COL6A2: variants seen among roughly 807,000 people sequenced by gnomAD.
The protein encoded by COL6A2 is collagen alpha-2(VI) chain.
Under a neutral mutation model 124.9 loss-of-function variants are expected in COL6A2, and 90 were observed. That is an observed-to-expected ratio of 0.72 (90% CI 0.61 to 0.86). The LOEUF (loss-of-function observed/expected upper bound fraction) is 0.86. Among genes scored for constraint, COL6A2 ranks in the 40% least tolerant of loss-of-function variants. The pLI is 0.00. For missense variants in COL6A2, 1,607 were observed against 1,502.5 expected (o/e 1.07, Z -1.15); for synonymous variants, 793 against 618.2 (o/e 1.28, Z -4.19).
chr21:46,113,070 C>T (rs1023054775), intron 4 of COL6A2: 13 of 599,040 alleles, frequency 2.2e-5, no homozygotes, highest in African/African-American at 5.6e-5. Context: ...AAGGAGAGGT[C>T]GAGGGTCTGG....
At chr21:46,131,912 C>T (rs755249667) in intron 27 of COL6A2, 42 bp from the exon 28 acceptor site, 179 of 1,536,220 alleles carry the variant, frequency 1.2e-4, no homozygotes, top group Middle Eastern at 1.0e-3. Context: ...CCGGTCCTGC[C>T]CACCTCCCCT....
At chr21:46,123,756 ATGAGTGGGGGGATGGATGGG>A (rs935511019) in intron 21 of COL6A2, among the ~76,000 whole-genome samples, 6 of 127,610 alleles carry the variant, frequency 4.7e-5, no homozygotes, top group African/African-American at 1.4e-4. Flanking sequence ...GGCTGAATGG[ATGAGTGGGGGGATGGATGGG>A]TGAGTGGGTG....
intron 23 of COL6A2, 41 bp from the exon 24 acceptor site, chr21:46,125,225 G>C: frequency 3.7e-6 from 6 of 1,600,648 alleles, no homozygotes; most frequent in Non-Finnish European, 4.3e-6. Flanking sequence ...AACTCTTCTG[G>C]GGCCCCGGGG....
intron 15 of COL6A2, 33 bp downstream of exon 15, chr21:46,119,883 C>G (rs771652693): frequency 1.3e-6 from 2 of 1,543,092 alleles, no homozygotes; most frequent in African/African-American, 2.7e-5. Context: ...CCCAGGGTCT[C>G]ACTGTGGTGC....
intron 1 of COL6A2, among the ~76,000 whole-genome samples, chr21:46,108,601 G>C (rs2078361020): frequency 6.6e-6 from 1 of 152,066 alleles, no homozygotes. Context: ...TTGTTTCTTA[G>C]TTAGAAATTG....
rs1470919525 is a variant in COL6A2, at chr21:46,117,762, AG to A, written c.1054-111del. 3 of 1,120,164 alleles carry A rather than the reference AG, an allele frequency of 2.7e-6. No homozygotes were observed. The African/African-American group carries it at 4.6e-5, about 17-fold the overall frequency. The allele number at this position is 1,120,164 out of a possible 1,614,324, so 69.4% of individuals were successfully genotyped here. The stretch of plus-strand genomic sequence containing the variant: ...CTTGGTCACTGAGCCTGGGCCTCAC[AG>A]TGAGGGTGGGAGGTGCGTCCCGGGC... On this transcript the variant is annotated intron_variant, in intron 11 of 27. Coordinates refer to ENST00000300527, the MANE Select transcript of COL6A2 (RefSeq NM_001849.4).
chr21:46,122,229 A>G, intron 19 of COL6A2, 71 bp downstream of exon 19: 1 of 1,542,646 alleles, frequency 6.5e-7, no homozygotes, highest in Non-Finnish European at 8.9e-7. Flanking sequence ...GAAGATTCCT[A>G]GTAGTTCCCT....
Position 46,112,144 on chromosome 21 carries a change from G to A in COL6A2, c.281G>A (p.Trp94Ter). Residue 94 changes from tryptophan (W) to a stop codon, truncating the protein, a stop_gained, in exon 3 of 28, where the codon TGG becomes TAG. Transcript: ENST00000300527. LOFTEE classifies it high-confidence loss of function. ...TACCTGGACCAGGTGGCGCTGAGCT[G>A]GCGCTACGGCGGCCTGCACTTCTCT... ...EFYLDQVALS[W>*]RYGGLHFSDQ... 1 of 1,613,094 alleles carries A rather than the reference G, an allele frequency of 6.2e-7. No individual in the cohort carries two copies. The highest frequency in any genetic ancestry group is 1.1e-5 in the South Asian group (1 of 91,086).
chr21:46,118,167 C>T (rs2078506002), intron 12 of COL6A2, among the ~76,000 whole-genome samples: 1 of 152,092 alleles, frequency 6.6e-6, no homozygotes, highest in Admixed American at 6.5e-5. Flanking sequence ...GGCAACAAAC[C>T]CACCTCCTCC....
intron 20 of COL6A2, 44 bp downstream of exon 20, chr21:46,122,575 T>C: frequency 6.2e-7 from 1 of 1,601,084 alleles, no homozygotes; most frequent in Non-Finnish European, 8.5e-7. Flanking sequence ...AGGGTGGGGG[T>C]CTGCACGCCC....
At chr21:46,121,929 G>A (rs967344112) in intron 18 of COL6A2, among the ~76,000 whole-genome samples, 179 bp from the exon 19 acceptor site, 13 of 152,258 alleles carry the variant, frequency 8.5e-5, no homozygotes, top group African/African-American at 3.1e-4. Flanking sequence ...GGCACGTCCA[G>A]CCCCCACTGG....
chr21:46,127,285 T>C (rs938099097), intron 27 of COL6A2, among the ~76,000 whole-genome samples: 2 of 152,010 alleles, frequency 1.3e-5, no homozygotes, highest in Non-Finnish European at 2.9e-5. Flanking sequence ...AACCTCAGGG[T>C]CTGCGGTACG....
At chr21:46,131,728 C>A (rs1419996593) in intron 27 of COL6A2, among the ~76,000 whole-genome samples, 1 of 152,176 alleles carries the variant, frequency 6.6e-6, no homozygotes, top group Non-Finnish European at 1.5e-5. Flanking sequence ...GGTCTCAGGC[C>A]TGGGAGCACC....
chr21:46,111,316 G>A lies in COL6A2; in HGVS notation c.-27-134G>A, dbSNP rs112826338. 1,866 of 613,704 alleles carry A rather than the reference G, an allele frequency of 3.0e-3. 31 individuals carry two copies. Among genetic ancestry groups the A allele is most frequent in the African/African-American group, 0.029 (1,614 of 54,738 alleles). The allele number at this position is 613,704 out of a possible 1,614,324, so 38.0% of individuals were successfully genotyped here. On this transcript the variant is annotated intron_variant, in intron 1 of 27. Coordinates refer to ENST00000300527, the MANE Select transcript of COL6A2 (RefSeq NM_001849.4). ...ATGCTGGTGACGGTGTGTGCTGGGCGCAGACCCCGCTTCCTTGAAGACTGA... is the reference window on the plus strand; with the variant it reads ...ATGCTGGTGACGGTGTGTGCTGGGCACAGACCCCGCTTCCTTGAAGACTGA...
In COL6A2 at chr21:46,116,665, C is replaced by T. The variant is rs531713008; in HGVS notation, c.942C>T (p.Ala314=). 4.5e-5 allele frequency: 73 copies of T among 1,613,020 alleles called. No individual in the cohort carries two copies. The East Asian group carries it at 5.1e-4, about 11-fold the overall frequency. ...CTCCTACACAGGGTGAATTTGGAGC[C>T]GACGGTCGCAAGGTAGGCTGGCTGG... ...GFKGEKGEFG[A]DGRKGAPGLA... Residue 314 remains alanine, a synonymous_variant, in exon 9 of 28, where the codon GCC becomes GCT. Transcript: ENST00000300527. The surrounding 1 kb of genome is among the most constrained non-coding windows in gnomAD (Gnocchi z 4.6).
chr21:46,108,583 G>A (rs920183085), intron 1 of COL6A2, among the ~76,000 whole-genome samples: 2 of 152,092 alleles, frequency 1.3e-5, no homozygotes, highest in Admixed American at 6.5e-5. Flanking sequence ...TACCTTGTCT[G>A]GCTGTTGTTG....
chr21:46,119,013 G>A lies in COL6A2; in HGVS notation c.1180-17G>A, dbSNP rs753392645. 21 of 1,585,844 alleles carry A rather than the reference G, an allele frequency of 1.3e-5. No individual in the cohort carries two copies. The African/African-American group carries it at 1.5e-4, about 11-fold the overall frequency. ...GCCCCTGCCTCTGGGTGACTGTGCT[G>A]TCCTCTCCTTCTTCAGGGGTATCAA... On this transcript the variant is annotated splice_polypyrimidine_tract_variant and intron_variant, in intron 13 of 27. Coordinates refer to ENST00000300527, the MANE Select transcript of COL6A2 (RefSeq NM_001849.4).
Position 46,125,885 on chromosome 21 carries a change from T to C in COL6A2, c.2070T>C (p.Ala690=), listed in dbSNP as rs781603620. The C allele has an allele frequency of 2.5e-6, 4 of 1,613,158 alleles. No homozygotes were observed. The highest frequency in any genetic ancestry group is 4.5e-5 in the East Asian group (2 of 44,846). Residue 690 remains alanine (A), a synonymous_variant, in exon 26 of 28, where the codon GCT becomes GCC. Coordinates refer to ENST00000300527, the MANE Select transcript of COL6A2 (RefSeq NM_001849.4). ...RIDSLSSFKE[A]VKNLEWIAGG... ...ACTCCCTGTCGAGCTTCAAGGAGGCTGTCAAGAACCTCGAGTGGATTGCGG... is the reference window on the plus strand; with the variant it reads ...ACTCCCTGTCGAGCTTCAAGGAGGCCGTCAAGAACCTCGAGTGGATTGCGG...
rs115344658 is a variant in COL6A2, at chr21:46,121,480, C to T, written c.1459-76C>T. The T allele has an allele frequency of 9.6e-4, 1,352 of 1,414,084 alleles. 6 individuals carry two copies. The African/African-American group carries it at 0.011, about 11-fold the overall frequency. 87.6% of individuals were successfully genotyped at this position (1,414,084 alleles called of 1,614,324 possible). Reference sequence around the variant, plus strand: ...ATGTGGCCTGGTGGTCAGGGCTGGACGGGGCATGTCAGGTGACCCCTGGGC... The same window carrying T: ...ATGTGGCCTGGTGGTCAGGGCTGGATGGGGCATGTCAGGTGACCCCTGGGC... On this transcript the variant is annotated intron_variant, in intron 17 of 27. Transcript: ENST00000300527.
Sources: gnomAD v4.1 joint callset for allele counts (sites outside exome capture counted in the v4.1 genomes callset) on GRCh38, gnomAD v4.1.1 for gene constraint, Gnocchi (gnomAD v3.1) non-coding constraint, MANE v1.5 for transcripts, NCBI Gene and HGNC (gene_info 2026-07-23, HGNC 2026-07-21) for gene names.